Variants in AKAP9 observed in about 807,000 individuals in gnomAD.
The protein encoded by AKAP9 is A-kinase anchoring protein 9.
Under a neutral mutation model 488.5 loss-of-function variants are expected in AKAP9, and 311 were observed. That is an observed-to-expected ratio of 0.64 (90% CI 0.58 to 0.70). The LOEUF (loss-of-function observed/expected upper bound fraction) is 0.70. AKAP9 is among the 30% of genes least tolerant of loss of function. AKAP9 has a pLI of 0.00. For synonymous variants in AKAP9, 1,462 were observed against 1,483.5 expected (o/e 0.99, Z 0.33); for missense variants, 4,215 against 4,374.5 (o/e 0.96, Z 1.03).
In AKAP9 at chr7:92,003,001, C is replaced by T. The variant is rs113921748; in HGVS notation, c.3084C>T (p.Ser1028=). 2.5e-6 allele frequency: 4 copies of T among 1,613,326 alleles called. No homozygotes were observed. In the African/African-American group the frequency reaches 4.0e-5, roughly 16 times the overall value. Reference sequence around the variant, plus strand: ...TAGATGGAGTTGTGACCATGACAAGCAGGGGTGCTGAAGGATCAGTTTCTA... The same window carrying T: ...TAGATGGAGTTGTGACCATGACAAGTAGGGGTGCTGAAGGATCAGTTTCTA... ...SLLDGVVTMT[S]RGAEGSVSKV... is the part of the protein sequence containing the mutation. The change falls in exon 8 of 50, where the codon AGC becomes AGT. Residue 1028 remains serine, a synonymous_variant. Coordinates refer to ENST00000356239, the MANE Select transcript of AKAP9 (RefSeq NM_005751.5).
chr7:91,982,732 G>A (rs1422544853), intron 3 of AKAP9, among the ~76,000 whole-genome samples: 1 of 152,140 alleles, frequency 6.6e-6, no homozygotes, highest in African/African-American at 2.4e-5. Flanking sequence ...GGGTCAGATG[G>A]TATTTCTAGT....
chr7:92,004,985 A>G (rs1799631250), intron 8 of AKAP9, among the ~76,000 whole-genome samples: 1 of 152,188 alleles, frequency 6.6e-6, no homozygotes, highest in African/African-American at 2.4e-5. Flanking sequence ...ATTTTGAGAT[A>G]TGCCCCATCA....
intron 20 of AKAP9, 106 bp downstream of exon 20, chr7:92,042,877 A>G (rs775065138): frequency 2.6e-6 from 2 of 772,398 alleles, no homozygotes; most frequent in Non-Finnish European, 4.4e-6. Context: ...CTTTGTCTTA[A>G]AAATCATCAT....
chr7:92,103,018 G>A (rs1817846711), intron 46 of AKAP9, among the ~76,000 whole-genome samples, 192 bp downstream of exon 46: 1 of 152,014 alleles, frequency 6.6e-6, no homozygotes, highest in African/African-American at 2.4e-5. Context: ...CAGGGTATGT[G>A]TAAACTATGA....
At chr7:92,069,323 T>TC (rs1811297656) in intron 26 of AKAP9, among the ~76,000 whole-genome samples, 1 of 152,148 alleles carries the variant, frequency 6.6e-6, no homozygotes, top group African/African-American at 2.4e-5. Context: ...TTATGAAAAA[T>TC]CCATTTTTTC....
chr7:92,045,689 A>G (rs964959440), intron 21 of AKAP9, among the ~76,000 whole-genome samples: 3 of 152,180 alleles, frequency 2.0e-5, no homozygotes, highest in Non-Finnish European at 4.4e-5. Flanking sequence ...GTCCTTTGCT[A>G]GATTCTTTCT....
Position 92,029,983 on chromosome 7 carries a change from A to G in AKAP9, c.4237A>G (p.Thr1413Ala). The change falls in exon 15 of 50, where the codon ACA becomes GCA. Residue 1413 changes from threonine (T) to alanine (A), a missense_variant. This residue lies in a region of AKAP9 where 2,361 missense variants were observed against 2,430.0 expected (regional missense o/e 0.97). Transcript: ENST00000356239. The part of the protein sequence containing the change: ...GSCVKKNIDG[T>A]IEFSGEFGVK... ...TTGTGTGAAAAAGAATATTGATGGT[A>G]CAATAGAGGTATTATATTTTTAATT... 2 of 1,596,520 alleles carry G rather than the reference A, an allele frequency of 1.3e-6. No homozygotes were observed. Among genetic ancestry groups the G allele is most frequent in the Non-Finnish European group, 1.7e-6 (2 of 1,164,898 alleles).
At chr7:92,074,788 C>T (rs753898923) in intron 28 of AKAP9, among the ~76,000 whole-genome samples, 19 of 152,150 alleles carry the variant, frequency 1.2e-4, no homozygotes, top group Admixed American at 2.0e-4. Context: ...CACATGTTCT[C>T]ACTCATAAGT....
chr7:92,042,229 T>C (rs1463269980), intron 19 of AKAP9, 43 bp downstream of exon 19: 1 of 1,611,926 alleles, frequency 6.2e-7, no homozygotes, highest in African/African-American at 1.3e-5. Flanking sequence ...GGATCACCAA[T>C]TCAGTAGGAT....
intron 13 of AKAP9, 88 bp from the exon 14 acceptor site, chr7:92,022,716 TCAAAAAAGAA>T: frequency 1.2e-6 from 1 of 849,646 alleles, no homozygotes; most frequent in Admixed American, 2.7e-5. Context: ...ACATACTTTT[TCAAAAAAGAA>T]TTAATATTTT....
chr7:92,065,172 T>C lies in AKAP9; in HGVS notation c.5978-59T>C, dbSNP rs896728296. 2.6e-6 allele frequency: 3 copies of C among 1,171,110 alleles called. No homozygotes were observed. The African/African-American group carries it at 4.7e-5, about 18-fold the overall frequency. The allele number at this position is 1,171,110 out of a possible 1,614,324, so 72.5% of individuals were successfully genotyped here. On this transcript the variant is annotated intron_variant, in intron 24 of 49. Transcript: ENST00000356239. ...AATTTGGACATAGTTATCAGGGATTTCATTATCATAAGATCATTAATTGTG... is the reference window on the plus strand; with the variant it reads ...AATTTGGACATAGTTATCAGGGATTCCATTATCATAAGATCATTAATTGTG...
intron 17 of AKAP9, among the ~76,000 whole-genome samples, chr7:92,039,092 G>C (rs185016909): frequency 6.6e-6 from 1 of 152,242 alleles, no homozygotes; most frequent in Non-Finnish European, 1.5e-5. Flanking sequence ...TTTTAGTAGA[G>C]ACAGGATTTT....
chr7:91,954,583 TA>T (rs1792704234), intron 1 of AKAP9, among the ~76,000 whole-genome samples: 1 of 152,180 alleles, frequency 6.6e-6, no homozygotes, highest in African/African-American at 2.4e-5. Flanking sequence ...AAATATACTT[TA>T]AAAAGAAAGA....
chr7:92,102,122 C>T (rs1363384896), intron 45 of AKAP9, among the ~76,000 whole-genome samples: 3 of 150,866 alleles, frequency 2.0e-5, no homozygotes, highest in Non-Finnish European at 2.9e-5. Context: ...CGCCACTAAA[C>T]TCCAGTATGG....
At chr7:92,091,585 C>CA (rs796606265) in intron 38 of AKAP9, among the ~76,000 whole-genome samples, 3,237 of 21,582 alleles carry the variant, frequency 0.15, 448 homozygotes, top group African/African-American at 0.28. Context: ...GACTCTGTCT[C>CA]AAAAAAAAAA....
At chr7:91,999,715 C>G (rs1037778815) in intron 7 of AKAP9, among the ~76,000 whole-genome samples, 2 of 152,180 alleles carry the variant, frequency 1.3e-5, no homozygotes, top group African/African-American at 4.8e-5. Flanking sequence ...TGCTGCAACC[C>G]CTGACATTTC....
At chr7:92,056,339 A>G (rs1808785610) in intron 22 of AKAP9, among the ~76,000 whole-genome samples, 1 of 151,940 alleles carries the variant, frequency 6.6e-6, no homozygotes, top group South Asian at 2.1e-4. Context: ...GGGAGCAGGG[A>G]AAGAGTGTTT....
At chr7:92,100,020 A>T in intron 44 of AKAP9, 151 bp downstream of exon 44, 1 of 661,596 alleles carries the variant, frequency 1.5e-6, no homozygotes, top group Non-Finnish European at 2.6e-6. Context: ...GACAATAATA[A>T]TATTATTACT....
chr7:91,981,333 A>G (rs1020279529), intron 3 of AKAP9, among the ~76,000 whole-genome samples: 1 of 152,216 alleles, frequency 6.6e-6, no homozygotes, highest in African/African-American at 2.4e-5. Flanking sequence ...GAAAAAATAA[A>G]AAATAACAGT....
Sources: gnomAD v4.1 joint callset for allele counts (sites outside exome capture counted in the v4.1 genomes callset) on GRCh38, gnomAD v4.1.1 for gene constraint, gnomAD v4.1.1 regional missense constraint, MANE v1.5 for transcripts, NCBI Gene and HGNC (gene_info 2026-07-23, HGNC 2026-07-21) for gene names.